ZNF385D: variants seen among roughly 807,000 people sequenced by gnomAD.
The protein encoded by ZNF385D is zinc finger protein 659.
A neutral mutation model predicts 35.8 loss-of-function variants in ZNF385D; 15 were observed. The ratio of observed to expected loss-of-function variants is 0.42; its 90% CI spans 0.28 to 0.64. The LOEUF is 0.64. Among genes scored for constraint, ZNF385D ranks in the 30% least tolerant of loss-of-function variants. The pLI, the probability that ZNF385D is intolerant of heterozygous loss-of-function variation, is 0.23. For missense variants in ZNF385D, 474 were observed against 494.6 expected (o/e 0.96, Z 0.39); for synonymous variants, 212 against 186.8 (o/e 1.13, Z -1.10).
At chr3:21,439,536 C>T (rs1246718912) in intron 4 of ZNF385D, among the ~76,000 whole-genome samples, 1 of 151,910 alleles carries the variant, frequency 6.6e-6, no homozygotes, top group Non-Finnish European at 1.5e-5. Context: ...TAAAGATTTC[C>T]CTAGTAATAC....
At chr3:21,895,455 A>C (rs1699085716) in intron 3 of ZNF385D, among the ~76,000 whole-genome samples, 2 of 150,160 alleles carry the variant, frequency 1.3e-5, no homozygotes, top group Admixed American at 1.3e-4. Flanking sequence ...GCCTCCTGAG[A>C]AGCTGGGGAC....
chr3:21,837,749 G>A (rs1695416013), intron 3 of ZNF385D, among the ~76,000 whole-genome samples: 1 of 151,916 alleles, frequency 6.6e-6, no homozygotes, highest in Non-Finnish European at 1.5e-5. Context: ...GCGTGCGCCT[G>A]TAGTCCCAGC....
intron 3 of ZNF385D, among the ~76,000 whole-genome samples, chr3:21,873,397 T>C (rs1218359451): frequency 2.6e-5 from 4 of 152,156 alleles, no homozygotes; most frequent in Non-Finnish European, 5.9e-5. Flanking sequence ...CATGATATAG[T>C]CTCAGCTCTT....
chr3:22,030,276 T>TAACAAATAGG (rs1697875837), intron 3 of ZNF385D, among the ~76,000 whole-genome samples: 1 of 103,612 alleles, frequency 9.7e-6, no homozygotes. Flanking sequence ...TATATATATA[T>TAACAAATAGG]ATATATATAT....
intron 3 of ZNF385D, among the ~76,000 whole-genome samples, chr3:22,071,851 T>C (rs1033636765): frequency 6.6e-6 from 1 of 152,112 alleles, no homozygotes; most frequent in African/African-American, 2.4e-5. Flanking sequence ...TGCTCTGCCA[T>C]CTGTGGCTGG....
intron 3 of ZNF385D, among the ~76,000 whole-genome samples, chr3:21,778,907 A>G (rs1297211127): frequency 6.6e-6 from 1 of 151,968 alleles, no homozygotes; most frequent in Non-Finnish European, 1.5e-5. Flanking sequence ...TATGAGGACC[A>G]GGTCCTATTA....
Position 21,985,530 on chromosome 3 carries a change from G to T in ZNF385D, c.325+183287C>A, listed in dbSNP as rs1339414635. Among the ~76,000 whole-genome samples the T allele has an allele frequency of 3.4e-5, 4 of 118,050 alleles. No individual in the cohort carries two copies. The South Asian group carries it at 1.1e-3, about 34-fold the overall frequency. The allele number at this position is 118,050 out of a possible 152,430, so 77.4% of individuals were successfully genotyped here. Reference sequence around the variant, plus strand: ...CAGGGATGAAGCCCACTTGATCATGGTGGATAAGCTTTTTGATGTGCTGCT... The same window carrying T: ...CAGGGATGAAGCCCACTTGATCATGTTGGATAAGCTTTTTGATGTGCTGCT... On this transcript the variant is annotated intron_variant, in intron 3 of 5. Coordinates refer to the ZNF385D transcript ENST00000494108.
intron 1 of ZNF385D, among the ~76,000 whole-genome samples, chr3:21,698,560 A>C (rs2067554099): frequency 6.6e-6 from 1 of 152,130 alleles, no homozygotes; most frequent in Non-Finnish European, 1.5e-5. Context: ...ACCATTATGC[A>C]ATATATCCAT....
At chr3:21,620,566 C>G (rs1019261219) in intron 2 of ZNF385D, among the ~76,000 whole-genome samples, 3 of 152,140 alleles carry the variant, frequency 2.0e-5, no homozygotes, top group Non-Finnish European at 4.4e-5. Context: ...TCCTTTAGCA[C>G]GTCAGCCTGT....
intron 3 of ZNF385D, among the ~76,000 whole-genome samples, chr3:22,114,286 T>A (rs930851193): frequency 3.9e-5 from 6 of 152,090 alleles, no homozygotes; most frequent in Non-Finnish European, 8.8e-5. Context: ...GATTCTTAAT[T>A]CACATAACAT....
chr3:22,026,342 G>A (rs1471478913), intron 3 of ZNF385D, among the ~76,000 whole-genome samples: 2 of 152,116 alleles, frequency 1.3e-5, no homozygotes, highest in African/African-American at 4.8e-5. Flanking sequence ...GACAATTTAT[G>A]TGGTGAATCT....
intron 2 of ZNF385D, among the ~76,000 whole-genome samples, chr3:21,613,075 ACT>A (rs1010895461): frequency 6.6e-6 from 1 of 151,436 alleles, no homozygotes; most frequent in African/African-American, 2.4e-5. Flanking sequence ...TCAGATTTAA[ACT>A]CTCACCCTGA....
At chr3:22,283,075 A>T (rs1033817648) in intron 2 of ZNF385D, among the ~76,000 whole-genome samples, 1 of 152,134 alleles carries the variant, frequency 6.6e-6, no homozygotes, top group Non-Finnish European at 1.5e-5. Flanking sequence ...AACAGCAGTT[A>T]AAAAAGACAA....
intron 3 of ZNF385D, among the ~76,000 whole-genome samples, chr3:21,903,415 T>C (rs537492883): frequency 5.9e-5 from 9 of 152,302 alleles, no homozygotes. Context: ...TTCACACCTG[T>C]ACTCTATTTT....
At chr3:21,441,626 A>G (rs1701864142) in intron 4 of ZNF385D, 1 of 916,234 alleles carries the variant, frequency 1.1e-6, no homozygotes. Flanking sequence ...TAAGGTATTA[A>G]GTTGCTTAAA....
intron 3 of ZNF385D, among the ~76,000 whole-genome samples, chr3:21,552,251 T>C (rs1032027883): frequency 2.0e-5 from 3 of 152,210 alleles, no homozygotes; most frequent in African/African-American, 7.2e-5. Context: ...TTGATTTTGG[T>C]TATTTAAATA....
intron 3 of ZNF385D, among the ~76,000 whole-genome samples, chr3:21,556,068 G>T (rs111236178): frequency 0.043 from 4,240 of 98,640 alleles, 118 homozygotes; most frequent in East Asian, 0.12. Flanking sequence ...TTTTGTTTTT[G>T]TTTTTTTTTT....
At chr3:22,203,314 G>A (rs1014800015) in intron 2 of ZNF385D, among the ~76,000 whole-genome samples, 1 of 152,064 alleles carries the variant, frequency 6.6e-6, no homozygotes. Flanking sequence ...CTGCCTGAAG[G>A]GGAGAACCCA....
rs113515809 is a variant in ZNF385D at position 21,888,150 on chromosome 3, T to C, written c.326-223122A>G. Reference sequence around the variant, plus strand: ...AGTTAATTATTCCTCAATTGCTTGGTTGCAAAATTTTGTATCAAGTATAAC... The same window carrying C: ...AGTTAATTATTCCTCAATTGCTTGGCTGCAAAATTTTGTATCAAGTATAAC... On this transcript the variant is annotated intron_variant, in intron 3 of 5. Coordinates refer to the ZNF385D transcript ENST00000494108. Among the ~76,000 whole-genome samples, 1,461 of 152,292 alleles carry C rather than the reference T, an allele frequency of 9.6e-3. 20 individuals carry two copies. The highest frequency in any genetic ancestry group is 0.034 in the African/African-American group (1,401 of 41,562).
Sources: gnomAD v4.1 joint callset for allele counts (sites outside exome capture counted in the v4.1 genomes callset) on GRCh38, gnomAD v4.1.1 for gene constraint, MANE v1.5 for transcripts, NCBI Gene and HGNC (gene_info 2026-07-23, HGNC 2026-07-21) for gene names.